The following PSD3 variants were observed in gnomAD, a reference collection of about 807,000 sequenced individuals.
PSD3 encodes the protein pleckstrin and Sec7 domain containing 3.
A neutral mutation model predicts 105.5 loss-of-function variants in PSD3; 49 were observed. That is an observed-to-expected ratio of 0.46 (90% confidence interval 0.37 to 0.59). PSD3 has a LOEUF of 0.59. Among genes scored for constraint, PSD3 ranks in the 20% least tolerant of loss-of-function variants. The pLI is 0.00. For missense variants in PSD3, 1,561 were observed against 1,263.8 expected (o/e 1.24, Z -3.57); for synonymous variants, 557 against 457.8 (o/e 1.22, Z -2.77).
intron 2 of PSD3, among the ~76,000 whole-genome samples, chr8:18,929,834 AT>A (rs1229853744): frequency 6.6e-6 from 1 of 152,184 alleles, no homozygotes; most frequent in Non-Finnish European, 1.5e-5. Context: ...AAAAAATCTA[AT>A]TGTTTATTTA....
In PSD3 at chr8:18,556,250, C is replaced by A. The variant is rs776595281; in HGVS notation, c.2887G>T (p.Val963Phe). The A allele has an allele frequency of 6.2e-7, 1 of 1,614,148 alleles. No homozygotes were observed. Among genetic ancestry groups the A allele is most frequent in the South Asian group, 1.1e-5 (1 of 91,074 alleles). The change falls in exon 15 of 16, where the codon GTC (valine) becomes TTC (phenylalanine). Residue 963 changes from valine to phenylalanine, a missense_variant. Val to Phe is a conservative substitution (Grantham distance 50). Transcript: ENST00000327040. Reference protein sequence around the residue: ...PPDKKVKAKDVDEYKLKDHYL... With the variant: ...PPDKKVKAKDFDEYKLKDHYL... ...TGGTCTTTCAGTTTGTACTCATCGA[C>A]GTCCTTGGCTTTGACCTTCTTGTCG...
chr8:18,814,500 T>C (rs1812038803), intron 4 of PSD3, among the ~76,000 whole-genome samples: 1 of 152,206 alleles, frequency 6.6e-6, no homozygotes, highest in Non-Finnish European at 1.5e-5. Flanking sequence ...TATTTACTTA[T>C]TTATTTATTT....
Position 18,871,842 on chromosome 8 carries a change from G to A in PSD3, c.1022C>T (p.Pro341Leu), listed in dbSNP as rs1250134840. 3 of 1,614,194 alleles carry A rather than the reference G, an allele frequency of 1.9e-6. No homozygotes were observed. Among genetic ancestry groups the A allele is most frequent in the Non-Finnish European group, 1.7e-6 (2 of 1,180,026 alleles). Residue 341 changes from proline to leucine, a missense_variant, in exon 3 of 16, where the codon CCA becomes CTA. Coordinates refer to ENST00000327040, the MANE Select transcript of PSD3 (RefSeq NM_015310.4). ...SPDSKESSKV[P>L]RHLISSAGLC... is the part of the protein sequence containing the mutation. Reference sequence around the variant, plus strand: ...ACCAGCTGATGAGATGAGATGGCGTGGCACTTTGGAAGACTCTTTGCTGTC... The same window carrying A: ...ACCAGCTGATGAGATGAGATGGCGTAGCACTTTGGAAGACTCTTTGCTGTC...
chr8:18,635,638 T>G (rs1459482018), intron 10 of PSD3, among the ~76,000 whole-genome samples: 1 of 152,100 alleles, frequency 6.6e-6, no homozygotes, highest in Non-Finnish European at 1.5e-5. Flanking sequence ...CCAACCCAAA[T>G]GCCCACCAAT....
chr8:19,084,755 A>T, upstream of PSD3: 1 of 295,526 alleles, frequency 3.4e-6, no homozygotes, highest in Non-Finnish European at 6.7e-6. Context: ...GCAGCCTCAA[A>T]GGAGGGGCAG....
At chr8:18,990,432 T>C (rs1825727780) in intron 1 of PSD3, among the ~76,000 whole-genome samples, 1 of 152,226 alleles carries the variant, frequency 6.6e-6, no homozygotes, top group Non-Finnish European at 1.5e-5. Context: ...CCCATGGCCA[T>C]TGTGCTTGAT....
intron 9 of PSD3, among the ~76,000 whole-genome samples, chr8:18,663,482 T>G (rs1809506374): frequency 6.6e-6 from 1 of 152,156 alleles, no homozygotes; most frequent in Non-Finnish European, 1.5e-5. Flanking sequence ...GCTAATTATC[T>G]TTTGTACTAA....
intron 9 of PSD3, among the ~76,000 whole-genome samples, chr8:18,762,475 G>C (rs546121881): frequency 6.6e-6 from 1 of 152,286 alleles, no homozygotes; most frequent in East Asian, 1.9e-4. Context: ...TGGGAGAATG[G>C]ACTAATACAC....
chr8:18,583,719 A>G (rs1802969921), intron 12 of PSD3, among the ~76,000 whole-genome samples: 1 of 152,158 alleles, frequency 6.6e-6, no homozygotes, highest in Admixed American at 6.6e-5. Flanking sequence ...GCTCAGGTTA[A>G]GTGCCCTTCC....
In PSD3 at chr8:18,642,922, G is replaced by C. The variant is rs570313478; in HGVS notation, c.2217-10116C>G. ...GTTTCCTATACACCTGAGTTCAGCT[G>C]AGAAAACAAGTACTTAAATCTTAAG... is the stretch of plus-strand genomic sequence containing the variant. On this transcript the variant is annotated intron_variant, in intron 10 of 15. Transcript: ENST00000327040. Among the ~76,000 whole-genome samples the C allele has an allele frequency of 1.2e-4, 18 of 152,298 alleles. No individual in the cohort carries two copies. In the East Asian group the frequency reaches 3.5e-3, roughly 29 times the overall value.
chr8:18,632,860 GA>G (rs1024131521), intron 10 of PSD3, 54 bp from the exon 11 acceptor site: 3 of 1,356,690 alleles, frequency 2.2e-6, no homozygotes, highest in Non-Finnish European at 3.0e-6. Flanking sequence ...AATATTCAAA[GA>G]AAAAGGTAAG....
intron 8 of PSD3, among the ~76,000 whole-genome samples, chr8:18,765,967 C>CA (rs57448100): frequency 0.45 from 63,470 of 140,514 alleles, 16,280 homozygotes; most frequent in Non-Finnish European, 0.59. Context: ...GACTCCATCT[C>CA]AAAAAAAAAA....
At chr8:18,982,179 T>G (rs909329320) in intron 1 of PSD3, among the ~76,000 whole-genome samples, 5 of 152,228 alleles carry the variant, frequency 3.3e-5, no homozygotes, top group African/African-American at 1.2e-4. Flanking sequence ...ACCACTTTGT[T>G]TGTTCATTCA....
At chr8:18,830,815 C>T (rs935826864) in intron 4 of PSD3, among the ~76,000 whole-genome samples, 3 of 152,164 alleles carry the variant, frequency 2.0e-5, no homozygotes, top group Non-Finnish European at 2.9e-5. Context: ...TAATCACAGA[C>T]TGGATTCTTT....
At chr8:18,819,575 A>ATTTTT (rs746931460) in intron 4 of PSD3, among the ~76,000 whole-genome samples, 3,968 of 111,242 alleles carry the variant, frequency 0.036, 441 homozygotes, top group African/African-American at 0.11. Context: ...ATTAGAATGG[A>ATTTTT]TTTTTTTTTT....
At chr8:18,813,130 G>A (rs1460707555) in intron 4 of PSD3, among the ~76,000 whole-genome samples, 2 of 152,182 alleles carry the variant, frequency 1.3e-5, no homozygotes, top group Non-Finnish European at 2.9e-5. Flanking sequence ...TAAAATGGAA[G>A]AACGGGATGA....
intron 8 of PSD3, among the ~76,000 whole-genome samples, chr8:18,790,897 A>G (rs1232440796): frequency 6.6e-6 from 1 of 152,184 alleles, no homozygotes; most frequent in African/African-American, 2.4e-5. Context: ...ACAAAGATCA[A>G]TGTGCAAAAA....
chr8:18,774,609 G>C (rs528379244), intron 8 of PSD3: 10 of 377,422 alleles, frequency 2.6e-5, no homozygotes, highest in African/African-American at 2.1e-4. Context: ...CTGCTTCTTG[G>C]TCTTCAGGTT....
chr8:18,926,112 GTT>G (rs113558247), intron 2 of PSD3, among the ~76,000 whole-genome samples: 1 of 143,940 alleles, frequency 6.9e-6, no homozygotes, highest in Non-Finnish European at 1.5e-5. Context: ...ATGGTATGTT[GTT>G]TTTTTTTTTT....
Sources: gnomAD v4.1 joint callset for allele counts (sites outside exome capture counted in the v4.1 genomes callset) on GRCh38, gnomAD v4.1.1 for gene constraint, MANE v1.5 for transcripts, NCBI Gene and HGNC (gene_info 2026-07-23, HGNC 2026-07-21) for gene names.